Variants in DMXL2 observed in about 807,000 individuals in gnomAD.
The protein encoded by DMXL2 is Dmx like 2, also known as dmX-like protein 2.
A neutral mutation model predicts 331.1 loss-of-function variants in DMXL2; 103 were observed. The ratio of observed to expected loss-of-function variants is 0.31; its 90% CI spans 0.27 to 0.37. DMXL2 has a LOEUF of 0.37. Among genes scored for constraint, DMXL2 ranks in the 10% least tolerant of loss-of-function variants. DMXL2 has a pLI of 1.00. For synonymous variants in DMXL2, 1,281 were observed against 1,252.1 expected, an observed-to-expected ratio of 1.02 and a Z score of -0.49; for missense variants, 3,171 against 3,642.9, an observed-to-expected ratio of 0.87 and a Z score of 3.33.
chr15:51,613,654 AT>A (rs1462709147), intron 1 of DMXL2, among the ~76,000 whole-genome samples: 5 of 152,154 alleles, frequency 3.3e-5, no homozygotes, highest in Non-Finnish European at 7.4e-5. Context: ...TATTATATTA[AT>A]TTTTTAAACC....
rs1217714121 is a variant in DMXL2, at chr15:51,583,106, CTTTTTTTTTTTTTTCTT to C, written c.88-6942_88-6926del. Among the ~76,000 whole-genome samples, 223 of 87,192 alleles carry C rather than the reference CTTTTTTTTTTTTTTCTT, an allele frequency of 2.6e-3. 1 individual carries two copies. The highest frequency in any genetic ancestry group is 4.6e-3 in the Non-Finnish European group (185 of 40,588). The allele number at this position is 87,192 out of a possible 152,430, so 57.2% of individuals were successfully genotyped here. A position where few individuals can be genotyped will look rare whatever the true frequency, so the allele number is the denominator to read the frequency against. ...GCACAGAGGAAATTACTTCATTCTT[CTTTTTTTTTTTTTTCTT>C]TTTTTTTTTTTTTTTATTATACTCT... On this transcript the variant is annotated intron_variant, in intron 1 of 43. Transcript: ENST00000560891.
intron 23 of DMXL2, among the ~76,000 whole-genome samples, chr15:51,484,150 C>A (rs2042222422): frequency 6.6e-6 from 1 of 152,046 alleles, no homozygotes; most frequent in African/African-American, 2.4e-5. Flanking sequence ...ATAGCCTTAT[C>A]CCCACCCCTA....
At chr15:51,464,552 G>A (rs1595905529) in intron 32 of DMXL2, 123 bp downstream of exon 32, 1 of 723,028 alleles carries the variant, frequency 1.4e-6, no homozygotes, top group Non-Finnish European at 2.2e-6. Context: ...AGCGTATTCT[G>A]CTAAAAATAG....
intron 1 of DMXL2, among the ~76,000 whole-genome samples, chr15:51,592,946 G>C (rs1197482036): frequency 6.6e-6 from 1 of 152,174 alleles, no homozygotes; most frequent in Non-Finnish European, 1.5e-5. Flanking sequence ...ACCAGTACCA[G>C]CCACTGTAAA....
rs1253583414 is a variant in DMXL2 at position 51,509,524 on chromosome 15, G to C, written c.2645-2271C>G. On this transcript the variant is annotated intron_variant, in intron 15 of 43. Transcript: ENST00000560891. ...TAAACCAGGAAAAAGTCAAATCCCT[G>C]AATAGACCAATAACAAGTTCTGAAA... Among the ~76,000 whole-genome samples the C allele has an allele frequency of 4.6e-5, 7 of 152,170 alleles. No individual in the cohort carries two copies. In the East Asian group the frequency reaches 9.6e-4, roughly 21 times the overall value.
chr15:51,474,525 C>A lies in DMXL2; in HGVS notation c.7032G>T (p.Leu2344Phe), dbSNP rs745419889. ...AAACAGCAACAACAGCTTCACATAG[C>A]AAAATGTTCAGTTTTGGCTGGTCTT... ...QDEDQPKLNILLCEAVVAVYL... is the reference protein window; with the variant it reads ...QDEDQPKLNIFLCEAVVAVYL... The change falls in exon 28 of 44, where the codon TTG becomes TTT. Residue 2344 changes from leucine to phenylalanine, a missense_variant. Coordinates refer to ENST00000560891, the MANE Select transcript of DMXL2 (RefSeq NM_001378457.1). 2 of 1,614,082 alleles carry A rather than the reference C, an allele frequency of 1.2e-6. No homozygotes were observed. Among genetic ancestry groups the A allele is most frequent in the East Asian group, 2.2e-5 (1 of 44,872 alleles).
Position 51,448,878 on chromosome 15 carries a change from C to T in DMXL2, c.*106G>A. 8.6e-7 allele frequency: 1 copy of T among 1,162,348 alleles called. No individual in the cohort carries two copies. The highest frequency in any genetic ancestry group is 2.6e-5 in the East Asian group (1 of 38,922). The allele number at this position is 1,162,348 out of a possible 1,614,324, so 72.0% of individuals were successfully genotyped here. A position where few individuals can be genotyped will look rare whatever the true frequency, so the allele number is the denominator to read the frequency against. On this transcript the variant is annotated 3_prime_UTR_variant, in exon 44 of 44. Transcript: ENST00000560891. The stretch of plus-strand genomic sequence containing the variant: ...GCTTGGGTCATATTCAAATTCTACA[C>T]AGAGATTCTCTGTTTTCAATACAAC...
intron 1 of DMXL2, among the ~76,000 whole-genome samples, chr15:51,612,973 GCGATATTTCTC>G (rs975784555): frequency 2.6e-5 from 4 of 152,186 alleles, no homozygotes; most frequent in African/African-American, 9.7e-5. Context: ...AAAGAATTCA[GCGATATTTCTC>G]CTATTTGCTT....
At chr15:51,602,550 G>A (rs1298885078) in intron 1 of DMXL2, among the ~76,000 whole-genome samples, 1 of 152,174 alleles carries the variant, frequency 6.6e-6, no homozygotes, top group African/African-American at 2.4e-5. Context: ...AGAAAGAGGA[G>A]TCTGGAAAGG....
intron 1 of DMXL2, among the ~76,000 whole-genome samples, chr15:51,587,649 A>G (rs901141356): frequency 6.6e-6 from 1 of 152,198 alleles, no homozygotes; most frequent in African/African-American, 2.4e-5. Context: ...GTGTCTTTAT[A>G]GCAGCATGAT....
chr15:51,481,500 G>C lies in DMXL2; in HGVS notation c.5606C>G (p.Thr1869Ser). The change falls in exon 24 of 44, where the codon ACT becomes AGT. Residue 1869 changes from threonine (T) to serine (S), a missense_variant. Physicochemically the swap from Thr to Ser is moderately conservative, Grantham distance 58. Coordinates refer to ENST00000560891, the MANE Select transcript of DMXL2 (RefSeq NM_001378457.1). ...EGTLATLGLK[T>S]EKNFVDKINL... ...AATTTTATCAACAAAGTTCTTCTCA[G>C]TTTTGAGACCTAAGGTTGCCAAAGT... The C allele has an allele frequency of 1.2e-6, 2 of 1,613,630 alleles. No individual in the cohort carries two copies. Among genetic ancestry groups the C allele is most frequent in the Non-Finnish European group, 1.7e-6 (2 of 1,179,868 alleles).
intron 1 of DMXL2, among the ~76,000 whole-genome samples, chr15:51,576,825 A>G (rs1300739816): frequency 1.3e-5 from 2 of 152,188 alleles, no homozygotes; most frequent in African/African-American, 2.4e-5. Context: ...TTGTTTTACC[A>G]AAGGTAAAAA....
At chr15:51,494,506 A>T (rs2043031766) in intron 19 of DMXL2, among the ~76,000 whole-genome samples, 1 of 152,176 alleles carries the variant, frequency 6.6e-6, no homozygotes, top group Non-Finnish European at 1.5e-5. Flanking sequence ...TTAATCTGTA[A>T]TACGAAGGCT....
At chr15:51,491,820 C>T in intron 19 of DMXL2, 73 bp from the exon 20 acceptor site, 1 of 1,273,726 alleles carries the variant, frequency 7.9e-7, no homozygotes, top group Non-Finnish European at 1.1e-6. Context: ...TTCATGCAGT[C>T]ACATACGCAT....
At chr15:51,609,990 C>T (rs1218577608) in intron 1 of DMXL2, among the ~76,000 whole-genome samples, 4 of 151,036 alleles carry the variant, frequency 2.6e-5, no homozygotes, top group Non-Finnish European at 4.4e-5. Context: ...GTTTGCACGA[C>T]GATGAAATTG....
chr15:51,579,309 A>C (rs897512512), intron 1 of DMXL2, among the ~76,000 whole-genome samples: 9 of 152,166 alleles, frequency 5.9e-5, no homozygotes, highest in Admixed American at 2.6e-4. Flanking sequence ...TTGCACACTA[A>C]CAGCTTGAAA....
At chr15:51,582,021 T>C (rs1483306111) in intron 1 of DMXL2, among the ~76,000 whole-genome samples, 1 of 152,148 alleles carries the variant, frequency 6.6e-6, no homozygotes, top group Admixed American at 6.6e-5. Context: ...GGGAGTGAGT[T>C]TTGATCAATG....
At chr15:51,470,061 C>T (rs10220901) in intron 29 of DMXL2, among the ~76,000 whole-genome samples, 5,173 of 152,270 alleles carry the variant, frequency 0.034, 161 homozygotes, top group East Asian at 0.091. Context: ...ACCCAAGAAT[C>T]TGCATTTCAA....
At chr15:51,549,702 G>A (rs1192604139) in intron 6 of DMXL2, among the ~76,000 whole-genome samples, 1 of 152,188 alleles carries the variant, frequency 6.6e-6, no homozygotes, top group South Asian at 2.1e-4. Context: ...GCATTTCCCT[G>A]ATCATTAGTG....
Sources: gnomAD v4.1 joint callset for allele counts (sites outside exome capture counted in the v4.1 genomes callset) on GRCh38, gnomAD v4.1.1 for gene constraint, MANE v1.5 for transcripts, NCBI Gene and HGNC (gene_info 2026-07-23, HGNC 2026-07-21) for gene names.